Variants in TSPAN9 observed in about 807,000 individuals in gnomAD.
TSPAN9 encodes tetraspanin-9.
TSPAN9 carries 16 observed loss-of-function variants against 31.0 expected under a neutral mutation model. The ratio of observed to expected loss-of-function variants is 0.52; its 90% CI spans 0.35 to 0.78. The LOEUF (loss-of-function observed/expected upper bound fraction) is 0.78, where lower values mean the gene tolerates loss of function less well. Ranked by LOEUF, TSPAN9 falls within the 30% of genes least tolerant of loss-of-function variation. TSPAN9 has a pLI of 0.01. For missense variants in TSPAN9, 272 were observed against 312.5 expected, an observed-to-expected ratio of 0.87 and a Z score of 0.98; for synonymous variants, 145 against 121.6, an observed-to-expected ratio of 1.19 and a Z score of -1.27.
chr12:3,179,896 C>T (rs1427719570), intron 2 of TSPAN9, among the ~76,000 whole-genome samples: 2 of 152,198 alleles, frequency 1.3e-5, no homozygotes, highest in African/African-American at 4.8e-5. Context: ...TCTCACGGTA[C>T]ACGTAACGTT....
At chr12:3,171,631 A>G (rs2098351910) in intron 2 of TSPAN9, 1 of 152,252 alleles carries the variant, frequency 6.6e-6, no homozygotes, top group East Asian at 1.9e-4. Flanking sequence ...CCTAGTATGT[A>G]ATAGAAAATG....
At chr12:3,136,216 T>A (rs1039535468) in intron 2 of TSPAN9, among the ~76,000 whole-genome samples, 9 of 152,178 alleles carry the variant, frequency 5.9e-5, no homozygotes, top group Admixed American at 5.9e-4. Context: ...TTTGCTTACA[T>A]TTATTGGTTT....
chr12:3,255,233 G>C (rs1366424155), intron 3 of TSPAN9, among the ~76,000 whole-genome samples: 1 of 152,228 alleles, frequency 6.6e-6, no homozygotes, highest in African/African-American at 2.4e-5. Flanking sequence ...TTTTTATAGA[G>C]AGGCTGTGTT....
chr12:3,158,456 G>T (rs2098343405), intron 2 of TSPAN9, among the ~76,000 whole-genome samples: 1 of 152,212 alleles, frequency 6.6e-6, no homozygotes, highest in African/African-American at 2.4e-5. Flanking sequence ...GGCTTCCGTG[G>T]CTCACGCCTA....
intron 2 of TSPAN9, among the ~76,000 whole-genome samples, chr12:3,174,961 C>T (rs2098354630): frequency 6.6e-6 from 1 of 151,916 alleles, no homozygotes; most frequent in Admixed American, 6.5e-5. Context: ...CCGGACCTTA[C>T]ACCCCCTGCC....
chr12:3,105,852 A>G (rs2098314325), intron 2 of TSPAN9, among the ~76,000 whole-genome samples: 1 of 113,202 alleles, frequency 8.8e-6, no homozygotes, highest in Admixed American at 9.8e-5. Context: ...ACGCTCACAC[A>G]CGTTCACACA....
chr12:3,098,150 A>C (rs2098310065), intron 2 of TSPAN9, among the ~76,000 whole-genome samples: 1 of 152,222 alleles, frequency 6.6e-6, no homozygotes, highest in Non-Finnish European at 1.5e-5. Flanking sequence ...GCCTGGGGCA[A>C]GTCATGTCAT....
chr12:3,151,992 G>A (rs1249238971), intron 2 of TSPAN9, among the ~76,000 whole-genome samples: 1 of 152,238 alleles, frequency 6.6e-6, no homozygotes, highest in African/African-American at 2.4e-5. Flanking sequence ...TCAGGCGTAA[G>A]TAAATTTCCT....
At chr12:3,083,028 T>G (rs1232661923) in intron 1 of TSPAN9, among the ~76,000 whole-genome samples, 1 of 152,248 alleles carries the variant, frequency 6.6e-6, no homozygotes, top group Non-Finnish European at 1.5e-5. Flanking sequence ...GGAGTCATGT[T>G]TCTGCAGAGT....
At chr12:3,234,555 A>G (rs1003624561) in intron 3 of TSPAN9, among the ~76,000 whole-genome samples, 3 of 152,172 alleles carry the variant, frequency 2.0e-5, no homozygotes, top group Admixed American at 2.0e-4. Flanking sequence ...TCCAAAAGTA[A>G]CATCCCAAGA....
chr12:3,179,880 G>A (rs1343587208), intron 2 of TSPAN9, among the ~76,000 whole-genome samples: 2 of 152,146 alleles, frequency 1.3e-5, no homozygotes, highest in African/African-American at 2.4e-5. Context: ...GACGTGCACC[G>A]TCTCTTCTCA....
At chr12:3,174,952 C>T (rs535071176) in intron 2 of TSPAN9, among the ~76,000 whole-genome samples, 18 of 151,938 alleles carry the variant, frequency 1.2e-4, no homozygotes, top group African/African-American at 1.7e-4. Flanking sequence ...GAAGGCCGCC[C>T]GGACCTTACA....
In TSPAN9 at chr12:3,187,784, A is replaced by T. The variant is rs778440845; in HGVS notation, c.-17-13393A>T. ...TGTTTGGATGCCATGCAAGCCCAAC[A>T]CGTACCCCTTCTCCAAGAAGCCCTT... On this transcript the variant is annotated intron_variant, in intron 2 of 8. Coordinates refer to ENST00000011898, the MANE Select transcript of TSPAN9 (RefSeq NM_006675.5). This position sits in a 1 kb window ranked among gnomAD's most constrained non-coding sequence, Gnocchi z 5.2. 6.6e-6 allele frequency among the ~76,000 whole-genome samples: 1 copy of T among 152,076 alleles called. No individual in the cohort carries two copies. The highest frequency in any genetic ancestry group is 1.5e-5 in the Non-Finnish European group (1 of 68,022).
intron 3 of TSPAN9, among the ~76,000 whole-genome samples, chr12:3,208,012 G>A (rs919325120): frequency 1.3e-5 from 2 of 152,346 alleles, no homozygotes; most frequent in Admixed American, 1.3e-4. Flanking sequence ...CACCTCTCCT[G>A]TAGGGCCGTG....
intron 3 of TSPAN9, among the ~76,000 whole-genome samples, chr12:3,223,090 G>A (rs192726593): frequency 5.9e-5 from 9 of 152,322 alleles, no homozygotes; most frequent in Admixed American, 1.3e-4. Flanking sequence ...CATCAGTGCC[G>A]TTGCCTCTAT....
chr12:3,136,737 C>G (rs2098332316), intron 2 of TSPAN9, among the ~76,000 whole-genome samples: 1 of 152,152 alleles, frequency 6.6e-6, no homozygotes, highest in South Asian at 2.1e-4. Context: ...TCCTGCCCAG[C>G]CAGTAAGTAA....
chr12:3,217,424 G>A (rs1451504460), intron 3 of TSPAN9, among the ~76,000 whole-genome samples: 3 of 152,082 alleles, frequency 2.0e-5, no homozygotes, highest in Admixed American at 1.3e-4. Context: ...GTGTTGCTGG[G>A]AATGAGCCAT....
chr12:3,104,439 A>G (rs113587972), intron 2 of TSPAN9, among the ~76,000 whole-genome samples: 3,740 of 151,630 alleles, frequency 0.025, 149 homozygotes, highest in African/African-American at 0.087. Context: ...TGAAGCCTCA[A>G]CCTCCTGGGT....
chr12:3,128,084 G>A (rs767515860), intron 2 of TSPAN9, among the ~76,000 whole-genome samples: 14 of 152,232 alleles, frequency 9.2e-5, no homozygotes, highest in African/African-American at 1.9e-4. Context: ...GACCACTGTC[G>A]TATGTGTGGT....
Sources: gnomAD v4.1 joint callset for allele counts (sites outside exome capture counted in the v4.1 genomes callset) on GRCh38, gnomAD v4.1.1 for gene constraint, Gnocchi (gnomAD v3.1) non-coding constraint, MANE v1.5 for transcripts, NCBI Gene and HGNC (gene_info 2026-07-23, HGNC 2026-07-21) for gene names.